The following FRAS1 variants were observed in gnomAD, a reference collection of about 807,000 sequenced individuals.
The protein encoded by FRAS1 is extracellular matrix organizing protein FRAS1.
A neutral mutation model predicts 435.2 loss-of-function variants in FRAS1; 290 were observed. That is an observed-to-expected ratio of 0.67 (90% CI 0.61 to 0.73). The LOEUF is 0.73. Ranked by LOEUF, FRAS1 falls within the 30% of genes least tolerant of loss-of-function variation. The pLI is 0.00. For missense variants in FRAS1, 4,860 were observed against 5,001.5 expected, an observed-to-expected ratio of 0.97 and a Z score of 0.85; for synonymous variants, 1,800 against 1,851.0, an observed-to-expected ratio of 0.97 and a Z score of 0.71.
intron 59 of FRAS1, among the ~76,000 whole-genome samples, chr4:78,491,658 TAAC>T (rs1363494833): frequency 2.0e-5 from 3 of 152,100 alleles, no homozygotes; most frequent in African/African-American, 7.2e-5. Context: ...TATCTCAAAA[TAAC>T]AAGAGCTATT....
chr4:78,455,672 G>C (rs968682973), intron 47 of FRAS1, among the ~76,000 whole-genome samples: 14 of 152,134 alleles, frequency 9.2e-5, no homozygotes, highest in African/African-American at 3.4e-4. Flanking sequence ...CTTCCCCATA[G>C]GAGATGTAGG....
At position 78,482,395 on chromosome 4, in the gene FRAS1, C is replaced by A. The variant is rs1389983685; in HGVS notation, c.8612C>A (p.Thr2871Asn). Residue 2871 changes from threonine to asparagine, a missense_variant, in exon 58 of 74, where the codon ACC (threonine) becomes AAC (asparagine). By Grantham distance (65) the Thr-to-Asn change is moderately conservative (BLOSUM62 0). Transcript: ENST00000512123. ...FGPGVIEQYC[T>N]LTILDDTQYP... ...CTTTGGTTTCTCTTCTAGTATTGCA[C>A]CTTGACTATCTTGGATGACACTCAG... is the stretch of plus-strand genomic sequence containing the variant. The A allele has an allele frequency of 2.2e-5, 35 of 1,613,644 alleles. No individual in the cohort carries two copies. The highest frequency in any genetic ancestry group is 2.9e-5 in the Non-Finnish European group (34 of 1,179,792).
chr4:78,116,933 C>G (rs916491190), intron 2 of FRAS1, among the ~76,000 whole-genome samples: 1 of 152,202 alleles, frequency 6.6e-6, no homozygotes, highest in African/African-American at 2.4e-5. Context: ...CCTTGATGAT[C>G]TTTACAATTT....
chr4:78,402,804 G>A (rs1732944772), intron 30 of FRAS1, among the ~76,000 whole-genome samples: 1 of 152,044 alleles, frequency 6.6e-6, no homozygotes, highest in African/African-American at 2.4e-5. Context: ...CACTTCCTCC[G>A]TCTTTGTCTT....
Position 78,281,446 on chromosome 4 carries a change from T to C in FRAS1, c.1107+13T>C, listed in dbSNP as rs537747874. 1.7e-4 allele frequency: 261 copies of C among 1,533,218 alleles called. 6 individuals are homozygous for C. In the South Asian group the frequency reaches 3.1e-3, roughly 18 times the overall value. The allele number at this position is 1,533,218 out of a possible 1,614,324, so 95.0% of individuals were successfully genotyped here. On this transcript the variant is annotated intron_variant, in intron 11 of 73. Coordinates refer to ENST00000512123, the MANE Select transcript of FRAS1 (RefSeq NM_025074.7). ...TAAACGTATTCCAGTAAGTATAGCT[T>C]TTTAACTTGCACGTAGATCATTATA...
chr4:78,341,863 C>G (rs439227), intron 20 of FRAS1, among the ~76,000 whole-genome samples: 31,560 of 151,858 alleles, frequency 0.21, 5,063 homozygotes, highest in African/African-American at 0.45. Flanking sequence ...GGAGGTTAAA[C>G]GTATAAATTG....
chr4:78,430,259 C>G (rs1194889804), intron 36 of FRAS1, 33 bp from the exon 37 acceptor site: 1 of 1,613,292 alleles, frequency 6.2e-7, no homozygotes, highest in Middle Eastern at 1.6e-4. Context: ...CATACGCTTT[C>G]TCTCTCACCA....
At chr4:78,090,067 G>A (rs111501815) in intron 2 of FRAS1, among the ~76,000 whole-genome samples, 17 of 67,858 alleles carry the variant, frequency 2.5e-4, no homozygotes, top group African/African-American at 7.5e-4. Flanking sequence ...AGTGAAGATC[G>A]TGGCATTGCA....
At chr4:78,064,450 A>C (rs1739900994) in intron 1 of FRAS1, among the ~76,000 whole-genome samples, 1 of 151,942 alleles carries the variant, frequency 6.6e-6, no homozygotes, top group African/African-American at 2.4e-5. Flanking sequence ...CAGAGGAAGA[A>C]ATACAAACCA....
Position 78,365,742 on chromosome 4 carries a change from AAAAAAAAAC to A in FRAS1, c.2722+1697_2722+1705del, listed in dbSNP as rs201354398. 3.7e-3 allele frequency among the ~76,000 whole-genome samples: 391 copies of A among 104,906 alleles called. 6 individuals carry two copies. Among genetic ancestry groups the A allele is most frequent in the African/African-American group, 0.016 (338 of 20,752 alleles). The allele number at this position is 104,906 out of a possible 152,430, so 68.8% of individuals were successfully genotyped here. ...TATTTGAGTTTCTAGTACATTAAAA[AAAAAAAAAC>A]AAAAAAAAAAAACAGCCTGACCAAC... On this transcript the variant is annotated intron_variant, in intron 22 of 73. Transcript: ENST00000512123.
Position 78,522,638 on chromosome 4 carries a change from C to G in FRAS1, c.10649-11C>G. The G allele has an allele frequency of 6.3e-7, 1 of 1,591,442 alleles. No homozygotes were observed. Among genetic ancestry groups the G allele is most frequent in the Non-Finnish European group, 8.6e-7 (1 of 1,168,086 alleles). On this transcript the variant is annotated splice_polypyrimidine_tract_variant and intron_variant, in intron 68 of 73. Coordinates refer to ENST00000512123, the MANE Select transcript of FRAS1 (RefSeq NM_025074.7). Reference sequence around the variant, plus strand: ...AAGTACATTAAATGCATGTGTTTCCCCTTCAAATAGGACAGTTTGTGATGG... The same window carrying G: ...AAGTACATTAAATGCATGTGTTTCCGCTTCAAATAGGACAGTTTGTGATGG...
At chr4:78,064,080 A>T (rs935995996) in intron 1 of FRAS1, among the ~76,000 whole-genome samples, 1 of 151,882 alleles carries the variant, frequency 6.6e-6, no homozygotes, top group African/African-American at 2.4e-5. Flanking sequence ...TTCTTATAAC[A>T]TACCATAGAC....
chr4:78,147,526 G>C (rs1426333451), intron 2 of FRAS1, among the ~76,000 whole-genome samples: 1 of 152,126 alleles, frequency 6.6e-6, no homozygotes, highest in African/African-American at 2.4e-5. Flanking sequence ...TAAATGTAGT[G>C]ACACACGTAA....
At chr4:78,498,221 T>A (rs1720563669) in intron 60 of FRAS1, among the ~76,000 whole-genome samples, 1 of 152,092 alleles carries the variant, frequency 6.6e-6, no homozygotes, top group African/African-American at 2.4e-5. Flanking sequence ...AGTATAATTT[T>A]AAAAAAGGCC....
intron 3 of FRAS1, among the ~76,000 whole-genome samples, chr4:78,243,336 TG>T (rs1725087884): frequency 6.6e-6 from 1 of 152,144 alleles, no homozygotes; most frequent in South Asian, 2.1e-4. Flanking sequence ...TTATTGTTGG[TG>T]GTTCTCCTAG....
At chr4:78,524,882 CATT>C (rs1441785197) in intron 69 of FRAS1, among the ~76,000 whole-genome samples, 1 of 152,032 alleles carries the variant, frequency 6.6e-6, no homozygotes, top group Non-Finnish European at 1.5e-5. Context: ...AATGGGGAGA[CATT>C]ATAATTTTAA....
chr4:78,146,032 TA>T (rs1290575646), intron 2 of FRAS1, among the ~76,000 whole-genome samples: 3 of 152,158 alleles, frequency 2.0e-5, no homozygotes, highest in Non-Finnish European at 4.4e-5. Context: ...CTTTTCTTTA[TA>T]AATTACCCAG....
At chr4:78,067,958 A>G (rs1014912776) in intron 2 of FRAS1, among the ~76,000 whole-genome samples, 6 of 151,214 alleles carry the variant, frequency 4.0e-5, no homozygotes, top group Non-Finnish European at 1.5e-5. Context: ...GATTACAGGC[A>G]TAAGCCACTG....
chr4:78,189,993 CTAA>C (rs1193786075), intron 2 of FRAS1, among the ~76,000 whole-genome samples: 1 of 152,232 alleles, frequency 6.6e-6, no homozygotes, highest in Non-Finnish European at 1.5e-5. Context: ...CATTAGCCAT[CTAA>C]CCTGGTTCTG....
Sources: allele counts gnomAD v4.1 joint callset (sites outside exome capture counted in the v4.1 genomes callset), GRCh38; gene constraint gnomAD v4.1.1; transcripts MANE v1.5; gene names NCBI Gene and HGNC (gene_info 2026-07-23, HGNC 2026-07-21).